Variants in IL1RAPL1 observed in about 807,000 individuals in gnomAD.
The protein encoded by IL1RAPL1 is interleukin 1 receptor accessory protein like 1.
In IL1RAPL1, 3 loss-of-function variants were observed where a neutral mutation model predicts 48.4. The observed-to-expected ratio is 0.06, with a 90% CI of 0.03 to 0.16. The LOEUF (loss-of-function observed/expected upper bound fraction) is 0.16. Ranked by LOEUF, IL1RAPL1 falls within the 10% of genes least tolerant of loss-of-function variation. The pLI, the probability that IL1RAPL1 is intolerant of heterozygous loss-of-function variation, is 1.00. For missense variants in IL1RAPL1, 349 were observed against 530.6 expected (o/e 0.66, Z 3.36); for synonymous variants, 185 against 187.7 (o/e 0.99, Z 0.12).
intron 5 of IL1RAPL1, among the ~76,000 whole-genome samples, chrX:29,498,004 A>G (rs970187550): frequency 8.9e-6 from 1 of 112,211 alleles, no homozygotes; most frequent in Non-Finnish European, 1.9e-5. Flanking sequence ...AGACACTAAA[A>G]CAGTTTAGTG....
At chrX:29,232,552 C>T (rs1162733576) in intron 2 of IL1RAPL1, among the ~76,000 whole-genome samples, 1 of 111,958 alleles carries the variant, frequency 8.9e-6, no homozygotes, top group Non-Finnish European at 1.9e-5. Flanking sequence ...CAAAAATCAA[C>T]ATCATGCTAC....
chrX:28,927,038 G>T (rs1261965717), intron 2 of IL1RAPL1, among the ~76,000 whole-genome samples: 1 of 110,897 alleles, frequency 9.0e-6, no homozygotes, highest in Non-Finnish European at 1.9e-5. Context: ...AGGACTACAA[G>T]TGCATGCCAC....
At position 28,800,846 on chromosome X, in the gene IL1RAPL1, A is replaced by ATTTT. The variant is rs200171689; in HGVS notation, c.82+11422_82+11425dup. ...TAAAGGGCCTTTGCATATTAAAGGG[A>ATTTT]TTTTATTTATTTATTTATTTATTTA... is the stretch of plus-strand genomic sequence containing the variant. On this transcript the variant is annotated intron_variant, in intron 2 of 10. Transcript: ENST00000378993. Among the ~76,000 whole-genome samples, 11 of 90,804 alleles carry ATTTT rather than the reference A, an allele frequency of 1.2e-4. No individual in the cohort carries two copies. In the South Asian group the frequency reaches 1.7e-3, roughly 14 times the overall value. 78.9% of individuals were successfully genotyped at this position (90,804 alleles called of 115,157 possible).
chrX:29,184,412 T>C (rs1239568488), intron 2 of IL1RAPL1, among the ~76,000 whole-genome samples: 1 of 112,409 alleles, frequency 8.9e-6, no homozygotes, highest in Non-Finnish European at 1.9e-5. Flanking sequence ...TAAATTATTA[T>C]CCAGCCAAGG....
chrX:29,946,389 T>C (rs773307315), intron 9 of IL1RAPL1, among the ~76,000 whole-genome samples: 191 of 110,461 alleles, frequency 1.7e-3, no homozygotes, highest in African/African-American at 6.2e-3. Flanking sequence ...GATGTTAGTC[T>C]TTGTAATAAC....
At chrX:29,394,106 C>T (rs1163945040) in intron 3 of IL1RAPL1, among the ~76,000 whole-genome samples, 1 of 109,247 alleles carries the variant, frequency 9.2e-6, no homozygotes, top group Non-Finnish European at 1.9e-5. Context: ...GGATGCCTCT[C>T]TCTTTCCTTT....
chrX:28,703,501 G>T (rs775830803), intron 1 of IL1RAPL1, among the ~76,000 whole-genome samples: 3 of 111,228 alleles, frequency 2.7e-5, no homozygotes, highest in Non-Finnish European at 5.7e-5. Context: ...TTCTGGGACA[G>T]AAAATTAATG....
At chrX:28,607,369 C>T (rs978974589) in intron 1 of IL1RAPL1, among the ~76,000 whole-genome samples, 1 of 111,248 alleles carries the variant, frequency 9.0e-6, no homozygotes, top group African/African-American at 3.3e-5. Flanking sequence ...CTAGAATTCA[C>T]TAAACAGGTA....
chrX:29,348,576 A>G (rs1266624585), intron 3 of IL1RAPL1, among the ~76,000 whole-genome samples: 1 of 111,915 alleles, frequency 8.9e-6, no homozygotes, highest in African/African-American at 3.2e-5. Context: ...CACATGATTT[A>G]GCAACTGATT....
intron 2 of IL1RAPL1, among the ~76,000 whole-genome samples, chrX:28,796,881 C>T (rs1256359035): frequency 8.9e-6 from 1 of 112,377 alleles, no homozygotes; most frequent in Non-Finnish European, 1.9e-5. Context: ...AGCAATGATT[C>T]TCCATGAGAG....
At chrX:28,980,846 T>C (rs1925312394) in intron 2 of IL1RAPL1, among the ~76,000 whole-genome samples, 2 of 108,798 alleles carry the variant, frequency 1.8e-5, no homozygotes, top group South Asian at 8.1e-4. Flanking sequence ...CCCAGCACTT[T>C]GGGAGGTCAA....
rs1401374645 is a variant in IL1RAPL1 at position 29,802,952 on chromosome X, TATGTATAC to T, written c.779-114507_779-114500del. ...ATATATGTGTACATATGTATGCATA[TATGTATAC>T]ATGTGTACATATATACATACATGTG... On this transcript the variant is annotated intron_variant, in intron 6 of 10. Transcript: ENST00000378993. Among the ~76,000 whole-genome samples the T allele has an allele frequency of 2.3e-3, 116 of 49,691 alleles. 1 individual carries two copies. The highest frequency in any genetic ancestry group is 4.3e-3 in the African/African-American group (51 of 11,859). The allele number at this position is 49,691 out of a possible 115,157, so 43.2% of individuals were successfully genotyped here. A position where few individuals can be genotyped will look rare whatever the true frequency, so the allele number is the denominator to read the frequency against.
At chrX:28,633,457 A>G (rs1052220659) in intron 1 of IL1RAPL1, among the ~76,000 whole-genome samples, 4 of 111,703 alleles carry the variant, frequency 3.6e-5, no homozygotes, top group African/African-American at 1.3e-4. Flanking sequence ...ATAATAGTAA[A>G]TATTGACTTT....
intron 5 of IL1RAPL1, among the ~76,000 whole-genome samples, chrX:29,470,285 A>G (rs1034998361): frequency 8.9e-6 from 1 of 112,041 alleles, no homozygotes; most frequent in Non-Finnish European, 1.9e-5. Context: ...GCCAGATTCC[A>G]TATAAGGCTT....
At chrX:29,006,533 C>T (rs944666687) in intron 2 of IL1RAPL1, among the ~76,000 whole-genome samples, 1 of 106,810 alleles carries the variant, frequency 9.4e-6, no homozygotes, top group Admixed American at 1.0e-4. Flanking sequence ...AAAAAAAAAT[C>T]CCACACCTCC....
intron 8 of IL1RAPL1, among the ~76,000 whole-genome samples, chrX:29,929,935 A>G (rs775386880): frequency 8.9e-5 from 10 of 112,016 alleles, no homozygotes; most frequent in Non-Finnish European, 1.9e-4. Flanking sequence ...CAACTTAAAG[A>G]AATACATTAA....
intron 2 of IL1RAPL1, among the ~76,000 whole-genome samples, chrX:28,934,130 C>T (rs1923955934): frequency 9.0e-6 from 1 of 110,879 alleles, no homozygotes; most frequent in African/African-American, 3.3e-5. Context: ...GGAGATGCAG[C>T]CCAGTAGGTC....
At chrX:29,740,122 GAAAA>G (rs1172511347) in intron 6 of IL1RAPL1, among the ~76,000 whole-genome samples, 18 of 52,301 alleles carry the variant, frequency 3.4e-4, no homozygotes, top group Middle Eastern at 9.4e-3. Context: ...CAAAAAAACA[GAAAA>G]AAAAAAAAAA....
intron 5 of IL1RAPL1, among the ~76,000 whole-genome samples, chrX:29,440,959 G>A (rs1218637569): frequency 8.9e-6 from 1 of 111,999 alleles, no homozygotes; most frequent in Non-Finnish European, 1.9e-5. Flanking sequence ...AATGTATGCA[G>A]TATCTGCAGT....
Sources: allele counts gnomAD v4.1 joint callset (sites outside exome capture counted in the v4.1 genomes callset), GRCh38; gene constraint gnomAD v4.1.1; transcripts MANE v1.5; gene names NCBI Gene and HGNC (gene_info 2026-07-23, HGNC 2026-07-21).